ZNF385D: variants seen among roughly 807,000 people sequenced by gnomAD.
ZNF385D encodes zinc finger protein 385D.
A neutral mutation model predicts 35.8 loss-of-function variants in ZNF385D; 15 were observed. The ratio of observed to expected loss-of-function variants is 0.42; its 90% confidence interval spans 0.28 to 0.64. The LOEUF is 0.64. ZNF385D is among the 30% of genes least tolerant of loss of function. The pLI is 0.23. For synonymous variants in ZNF385D, 212 were observed against 186.8 expected (o/e 1.13, Z -1.10); for missense variants, 474 against 494.6 (o/e 0.96, Z 0.39).
At chr3:22,171,625 C>T (rs1252891095) in intron 2 of ZNF385D, among the ~76,000 whole-genome samples, 1 of 151,986 alleles carries the variant, frequency 6.6e-6, no homozygotes, top group African/African-American at 2.4e-5. Context: ...GCCTGTAATC[C>T]CAGCACTTTG....
intron 2 of ZNF385D, among the ~76,000 whole-genome samples, chr3:21,629,996 G>GT (rs1375048149): frequency 8.2e-6 from 1 of 121,712 alleles, no homozygotes; most frequent in Non-Finnish European, 1.8e-5. Flanking sequence ...TATGGAGAAA[G>GT]TGTCCCTCTG....
At chr3:21,994,062 C>T (rs374177097) in intron 3 of ZNF385D, among the ~76,000 whole-genome samples, 6 of 152,292 alleles carry the variant, frequency 3.9e-5, no homozygotes, top group African/African-American at 1.4e-4. Flanking sequence ...CAAACCTACA[C>T]AAAGTCCCTT....
Position 21,935,350 on chromosome 3 carries a change from G to A in ZNF385D, c.325+233467C>T, listed in dbSNP as rs79786721. Among the ~76,000 whole-genome samples, 395 of 152,192 alleles carry A rather than the reference G, an allele frequency of 2.6e-3. 1 individual carries two copies. The highest frequency in any genetic ancestry group is 8.7e-3 in the African/African-American group (361 of 41,544). On this transcript the variant is annotated intron_variant, in intron 3 of 5. Transcript: ENST00000494108. Reference sequence around the variant, plus strand: ...TACTAAGCAAAAAACACTGTGGTACGTGCCTTATTAACTCAGTTATCCTCC... The same window carrying A: ...TACTAAGCAAAAAACACTGTGGTACATGCCTTATTAACTCAGTTATCCTCC...
rs1182299921 is a variant in ZNF385D, at chr3:21,997,301, G to A, written c.325+171516C>T. ...CTCATAGGTGGGAATTGAACAATGAGAACACTTTGGACACAGGGTGGGGAA... is the reference window on the plus strand; with the variant it reads ...CTCATAGGTGGGAATTGAACAATGAAAACACTTTGGACACAGGGTGGGGAA... On this transcript the variant is annotated intron_variant, in intron 3 of 5. Coordinates refer to the ZNF385D transcript ENST00000494108. 2.0e-5 allele frequency among the ~76,000 whole-genome samples: 3 copies of A among 152,164 alleles called. No homozygotes were observed. The East Asian group carries it at 5.8e-4, about 30-fold the overall frequency.
At chr3:22,257,155 G>C (rs1051257138) in intron 2 of ZNF385D, among the ~76,000 whole-genome samples, 2 of 151,752 alleles carry the variant, frequency 1.3e-5, no homozygotes, top group African/African-American at 4.8e-5. Context: ...ACAATATACA[G>C]GCTTCTCAGT....
At chr3:22,103,792 C>G (rs1183456920) in intron 3 of ZNF385D, among the ~76,000 whole-genome samples, 1 of 152,006 alleles carries the variant, frequency 6.6e-6, no homozygotes, top group Non-Finnish European at 1.5e-5. Flanking sequence ...GGCCCAGTAT[C>G]AGAATGGCAA....
At chr3:22,306,480 T>C (rs1329723692) in intron 2 of ZNF385D, among the ~76,000 whole-genome samples, 1 of 152,096 alleles carries the variant, frequency 6.6e-6, no homozygotes, top group Non-Finnish European at 1.5e-5. Flanking sequence ...CCAATAATAG[T>C]TCTACAATAA....
In ZNF385D at chr3:22,027,844, T is replaced by C. The variant is rs1171567577; in HGVS notation, c.325+140973A>G. The stretch of plus-strand genomic sequence containing the variant: ...TGGCCTCATGGGGGGTTCTCTATGA[T>C]CAGTTGACAGAGGAAGAGAAGACTA... On this transcript the variant is annotated intron_variant, in intron 3 of 5. Coordinates refer to the ZNF385D transcript ENST00000494108. 6.6e-5 allele frequency among the ~76,000 whole-genome samples: 10 copies of C among 152,142 alleles called. No individual in the cohort carries two copies. The South Asian group carries it at 1.9e-3, about 28-fold the overall frequency.
At chr3:22,121,665 G>GATGT (rs1236045966) in intron 3 of ZNF385D, among the ~76,000 whole-genome samples, 1 of 139,256 alleles carries the variant, frequency 7.2e-6, no homozygotes, top group Non-Finnish European at 1.6e-5. Context: ...GTTGTTGAAT[G>GATGT]ATGTGATTTT....
At chr3:22,257,148 A>G (rs1287323442) in intron 2 of ZNF385D, among the ~76,000 whole-genome samples, 2 of 151,988 alleles carry the variant, frequency 1.3e-5, no homozygotes, top group South Asian at 2.1e-4. Context: ...TTCAATAACA[A>G]TATACAGGCT....
rs2125236256 is a variant in ZNF385D at position 21,419,890 on chromosome 3, C to A, written c.*1324G>T. The A allele has an allele frequency of 6.6e-6, 1 of 151,990 alleles. No individual in the cohort carries two copies. The highest frequency in any genetic ancestry group is 2.1e-4 in the South Asian group (1 of 4,826). 9.4% of individuals were successfully genotyped at this position (151,990 alleles called of 1,614,324 possible). On this transcript the variant is annotated 3_prime_UTR_variant, in exon 8 of 8. Coordinates refer to ENST00000281523, the MANE Select transcript of ZNF385D (RefSeq NM_024697.3). ...ATATTTATATATACCCCTGATAAAT[C>A]TTGTTTTAAAGGTAAAACATCAACT... is the stretch of plus-strand genomic sequence containing the variant.
At chr3:21,808,765 C>T (rs1156411487) in intron 3 of ZNF385D, among the ~76,000 whole-genome samples, 14 of 152,156 alleles carry the variant, frequency 9.2e-5, no homozygotes, top group South Asian at 4.1e-4. Flanking sequence ...CCAGGGGAAA[C>T]CCTAGAGCAG....
intron 3 of ZNF385D, among the ~76,000 whole-genome samples, chr3:21,943,966 A>T (rs1701657327): frequency 6.6e-6 from 1 of 152,240 alleles, no homozygotes; most frequent in Non-Finnish European, 1.5e-5. Context: ...ACATGTTCAT[A>T]CCAAAACCTA....
intron 2 of ZNF385D, among the ~76,000 whole-genome samples, chr3:22,288,849 C>A (rs981080660): frequency 1.3e-5 from 2 of 152,072 alleles, no homozygotes; most frequent in African/African-American, 4.8e-5. Context: ...TTAGACTGGC[C>A]TCTTGTAAAA....
At chr3:21,905,860 C>G (rs955960483) in intron 3 of ZNF385D, among the ~76,000 whole-genome samples, 1 of 151,938 alleles carries the variant, frequency 6.6e-6, no homozygotes, top group Non-Finnish European at 1.5e-5. Context: ...TCTGGAAAAT[C>G]GTATTTTAAC....
intron 2 of ZNF385D, among the ~76,000 whole-genome samples, chr3:22,184,458 A>G (rs757423612): frequency 6.6e-6 from 1 of 152,200 alleles, no homozygotes; most frequent in Non-Finnish European, 1.5e-5. Flanking sequence ...GCTAATGTAT[A>G]AAACTTTTGC....
chr3:22,315,828 C>G (rs1448658431), intron 2 of ZNF385D, among the ~76,000 whole-genome samples: 1 of 152,056 alleles, frequency 6.6e-6, no homozygotes. Flanking sequence ...TAAAACTGAT[C>G]CCCTCCTTGT....
chr3:21,947,309 A>AG (rs1701840203), intron 3 of ZNF385D, among the ~76,000 whole-genome samples: 1 of 152,020 alleles, frequency 6.6e-6, no homozygotes, highest in African/African-American at 2.4e-5. Context: ...TCTCTTATAA[A>AG]GTTATGTCTT....
chr3:21,618,586 C>A (rs1045160584), intron 2 of ZNF385D, among the ~76,000 whole-genome samples: 2 of 151,978 alleles, frequency 1.3e-5, no homozygotes, highest in Non-Finnish European at 2.9e-5. Context: ...TCTGTATATC[C>A]CAGTCATTAC....
Sources: allele counts gnomAD v4.1 joint callset (sites outside exome capture counted in the v4.1 genomes callset), GRCh38; gene constraint gnomAD v4.1.1; transcripts MANE v1.5; gene names NCBI Gene and HGNC (gene_info 2026-07-23, HGNC 2026-07-21).